Variants in ATP8A2 observed in about 807,000 individuals in gnomAD.
ATP8A2 encodes ATPase phospholipid transporting 8A2, also known as phospholipid-transporting ATPase IB.
ATP8A2 carries 100 observed loss-of-function variants against 165.6 expected under a neutral mutation model. The observed-to-expected ratio is 0.60, with a 90% CI of 0.51 to 0.71. The LOEUF is 0.71. Ranked by LOEUF, ATP8A2 falls within the 30% of genes least tolerant of loss-of-function variation. ATP8A2 has a pLI of 0.00. For missense variants in ATP8A2, 1,227 were observed against 1,479.5 expected, an observed-to-expected ratio of 0.83 and a Z score of 2.80; for synonymous variants, 543 against 548.8, an observed-to-expected ratio of 0.99 and a Z score of 0.15.
chr13:25,639,829 C>A (rs2041468693), intron 24 of ATP8A2, among the ~76,000 whole-genome samples: 1 of 152,146 alleles, frequency 6.6e-6, no homozygotes. Flanking sequence ...TACACTTATT[C>A]CAAAATTGAC....
intron 24 of ATP8A2, among the ~76,000 whole-genome samples, chr13:25,687,396 G>C (rs1299556966): frequency 6.6e-6 from 1 of 152,154 alleles, no homozygotes; most frequent in Non-Finnish European, 1.5e-5. Flanking sequence ...ACTAATGGGG[G>C]CATAGTGGTG....
intron 24 of ATP8A2, among the ~76,000 whole-genome samples, chr13:25,667,924 A>G (rs2042186750): frequency 1.3e-5 from 2 of 152,274 alleles, no homozygotes; most frequent in Non-Finnish European, 2.9e-5. Flanking sequence ...TGTAGCTTCA[A>G]TAGCATATAA....
chr13:25,489,407 C>T (rs74042966), intron 2 of ATP8A2, among the ~76,000 whole-genome samples: 2,887 of 152,250 alleles, frequency 0.019, 92 homozygotes, highest in African/African-American at 0.066. Context: ...TTTTCTTCCT[C>T]GTCCTGCATC....
intron 24 of ATP8A2, among the ~76,000 whole-genome samples, chr13:25,673,761 A>G (rs1263861889): frequency 6.6e-6 from 1 of 152,220 alleles, no homozygotes; most frequent in Non-Finnish European, 1.5e-5. Flanking sequence ...CAGCCACTGA[A>G]GTAACTTATA....
rs988703105 is a variant in ATP8A2 at position 25,467,631 on chromosome 13, G to A, written c.77-1346G>A. 3.3e-5 allele frequency among the ~76,000 whole-genome samples: 5 copies of A among 151,476 alleles called. No homozygotes were observed. In the South Asian group the frequency reaches 1.0e-3, roughly 32 times the overall value. Reference sequence around the variant, plus strand: ...AGTGGCGCGATCTCAGCTCACTGCAGGCTCCGCCCCCCGGGGTTCACGCCA... The same window carrying A: ...AGTGGCGCGATCTCAGCTCACTGCAAGCTCCGCCCCCCGGGGTTCACGCCA... On this transcript the variant is annotated intron_variant, in intron 1 of 36. Transcript: ENST00000381655.
chr13:25,517,249 T>G (rs957912121), intron 2 of ATP8A2: 1 of 152,092 alleles, frequency 6.6e-6, no homozygotes, highest in Non-Finnish European at 1.5e-5. Flanking sequence ...AAAGAAAGAA[T>G]AAATCACTTG....
intron 2 of ATP8A2, among the ~76,000 whole-genome samples, chr13:25,472,410 A>T (rs375115401): frequency 0.084 from 12,634 of 151,240 alleles, 871 homozygotes; most frequent in African/African-American, 0.18. Context: ...AAAAAAAAAA[A>T]ATTGATTATA....
chr13:25,427,804 G>T (rs956240764), intron 1 of ATP8A2, among the ~76,000 whole-genome samples: 1 of 152,244 alleles, frequency 6.6e-6, no homozygotes, highest in South Asian at 2.1e-4. Flanking sequence ...TGAGGCAGGA[G>T]AATTGTTTGA....
chr13:25,423,114 C>T (rs2034347431), intron 1 of ATP8A2, among the ~76,000 whole-genome samples: 1 of 152,194 alleles, frequency 6.6e-6, no homozygotes, highest in Non-Finnish European at 1.5e-5. Context: ...AAGGCATCAA[C>T]TTCCACCCTC....
chr13:26,019,999 C>G lies in ATP8A2; in HGVS notation c.*14C>G. 1.9e-6 allele frequency: 3 copies of G among 1,566,002 alleles called. No individual in the cohort carries two copies. The highest frequency in any genetic ancestry group is 2.6e-6 in the Non-Finnish European group (3 of 1,136,286). ...AGGAAGAAATAAGACATGAATTTTC[C>G]TGACTGATCTTAGGAAAGAGATTCA... On this transcript the variant is annotated 3_prime_UTR_variant, in exon 37 of 37. Transcript: ENST00000381655.
In ATP8A2 at chr13:25,839,399, T is replaced by C; in HGVS notation, c.2878-147T>C. The C allele has an allele frequency of 4.8e-6, 3 of 624,248 alleles. No individual in the cohort carries two copies. The South Asian group carries it at 6.2e-5, about 13-fold the overall frequency. The allele number at this position is 624,248 out of a possible 1,614,324, so 38.7% of individuals were successfully genotyped here. A position where few individuals can be genotyped will look rare whatever the true frequency, so the allele number is the denominator to read the frequency against. On this transcript the variant is annotated intron_variant, in intron 29 of 36. Coordinates refer to ENST00000381655, the MANE Select transcript of ATP8A2 (RefSeq NM_016529.6). ...TAAATAATCGATTTGGGTGGGTTTTTTTTTTTTCAAATTCAAGAATAATAT... is the reference window on the plus strand; with the variant it reads ...TAAATAATCGATTTGGGTGGGTTTTCTTTTTTTCAAATTCAAGAATAATAT...
chr13:25,779,935 A>G (rs1216370882), intron 27 of ATP8A2, among the ~76,000 whole-genome samples: 1 of 152,214 alleles, frequency 6.6e-6, no homozygotes, highest in African/African-American at 2.4e-5. Context: ...CTCCTACACT[A>G]TTTAACAAAC....
At chr13:25,629,688 T>C (rs2041189881) in intron 24 of ATP8A2, among the ~76,000 whole-genome samples, 1 of 152,148 alleles carries the variant, frequency 6.6e-6, no homozygotes. Context: ...CTTTCATTCT[T>C]TCTCTTTGCT....
chr13:25,407,127 T>C (rs1243727573), intron 1 of ATP8A2, among the ~76,000 whole-genome samples: 3 of 152,196 alleles, frequency 2.0e-5, no homozygotes, highest in Admixed American at 1.3e-4. Flanking sequence ...ATTCTCAGTG[T>C]CCACCCAAGG....
intron 1 of ATP8A2, among the ~76,000 whole-genome samples, chr13:25,429,551 G>A (rs2034547490): frequency 1.1e-5 from 1 of 90,856 alleles, no homozygotes; most frequent in Non-Finnish European, 2.9e-5. Context: ...ACCCTTGAAT[G>A]TTTCCCTTTC....
At chr13:25,632,021 C>T (rs994839049) in intron 24 of ATP8A2, among the ~76,000 whole-genome samples, 1 of 152,132 alleles carries the variant, frequency 6.6e-6, no homozygotes, top group African/African-American at 2.4e-5. Context: ...GCCCCACCCC[C>T]TGACACCCCC....
At position 26,012,524 on chromosome 13, in the gene ATP8A2, T is replaced by C; in HGVS notation, c.3378-7T>C. The C allele has an allele frequency of 6.5e-7, 1 of 1,539,130 alleles. No homozygotes were observed. On this transcript the variant is annotated splice_region_variant and splice_polypyrimidine_tract_variant and intron_variant, in intron 35 of 36. Transcript: ENST00000381655. Reference sequence around the variant, plus strand: ...ACAAGAGACTGACGCGCTTGCTTTATCCGCAGGCTGAACGAGCGCGACCGC... The same window carrying C: ...ACAAGAGACTGACGCGCTTGCTTTACCCGCAGGCTGAACGAGCGCGACCGC...
intron 24 of ATP8A2, among the ~76,000 whole-genome samples, chr13:25,619,953 A>G (rs2040928230): frequency 6.6e-6 from 1 of 152,230 alleles, no homozygotes. Context: ...TATACAAAGA[A>G]GAGAGGAGTC....
At chr13:25,825,543 C>A (rs1180896036) in intron 27 of ATP8A2, among the ~76,000 whole-genome samples, 1 of 151,674 alleles carries the variant, frequency 6.6e-6, no homozygotes, top group African/African-American at 2.4e-5. Flanking sequence ...AATAAAATAC[C>A]CACTAGATAT....
Sources: allele counts gnomAD v4.1 joint callset (sites outside exome capture counted in the v4.1 genomes callset), GRCh38; gene constraint gnomAD v4.1.1; transcripts MANE v1.5; gene names NCBI Gene and HGNC (gene_info 2026-07-23, HGNC 2026-07-21).